The following SLC25A48 variants were observed in gnomAD, a reference collection of about 807,000 sequenced individuals.
SLC25A48 encodes solute carrier family 25 member 48, also known as CTC-321K16.1.
In SLC25A48, 29 loss-of-function variants were observed where a neutral mutation model predicts 32.2. The observed-to-expected ratio is 0.90, with a 90% CI of 0.67 to 1.23. The LOEUF is 1.23. Ranked by LOEUF, SLC25A48 falls within the 50% of genes most tolerant of loss-of-function variation. The probability of loss-of-function intolerance (pLI) is 0.00; values close to 1 mark genes in which losing one functional copy is unlikely to be tolerated. For synonymous variants in SLC25A48, 164 were observed against 172.3 expected (o/e 0.95, Z 0.38); for missense variants, 399 against 422.7 (o/e 0.94, Z 0.49).
At chr5:135,854,660 A>G (rs1249640941) in intron 4 of SLC25A48, among the ~76,000 whole-genome samples, 1 of 152,216 alleles carries the variant, frequency 6.6e-6, no homozygotes, top group Non-Finnish European at 1.5e-5. Context: ...TTGATGTTCT[A>G]TCCAGACTAC....
At chr5:135,581,343 G>A (rs1054382372) in intron 1 of SLC25A48, among the ~76,000 whole-genome samples, 12 of 152,178 alleles carry the variant, frequency 7.9e-5, no homozygotes, top group African/African-American at 2.9e-4. Flanking sequence ...CCATTTTGGG[G>A]TAGGTTTTAA....
intron 1 of SLC25A48, among the ~76,000 whole-genome samples, chr5:135,619,793 G>T (rs1471969875): frequency 1.3e-5 from 2 of 152,148 alleles, no homozygotes; most frequent in Non-Finnish European, 2.9e-5. Flanking sequence ...TTTCTTGGTG[G>T]CTTGGGGTAT....
At chr5:135,651,491 G>GT (rs1366666011) in intron 3 of SLC25A48, among the ~76,000 whole-genome samples, 2 of 152,132 alleles carry the variant, frequency 1.3e-5, no homozygotes, top group Non-Finnish European at 1.5e-5. Flanking sequence ...GCCTTCATTA[G>GT]TTTTTTCTCA....
chr5:135,704,753 C>T (rs1038460795), intron 3 of SLC25A48, among the ~76,000 whole-genome samples: 3 of 152,162 alleles, frequency 2.0e-5, no homozygotes, highest in Non-Finnish European at 2.9e-5. Flanking sequence ...CAGCATAACA[C>T]GTTAATAAGT....
intron 3 of SLC25A48, among the ~76,000 whole-genome samples, chr5:135,792,144 A>G (rs1757047050): frequency 6.6e-6 from 1 of 151,722 alleles, no homozygotes; most frequent in Non-Finnish European, 1.5e-5. Flanking sequence ...ACATCCAAGG[A>G]GCATGTTACT....
At chr5:135,721,663 A>AAAGC (rs1754959055) in intron 3 of SLC25A48, among the ~76,000 whole-genome samples, 1 of 151,820 alleles carries the variant, frequency 6.6e-6, no homozygotes, top group South Asian at 2.1e-4. Context: ...CTGCTCTCCA[A>AAAGC]AAGCAAGCGT....
Position 135,766,883 on chromosome 5 carries a change from A to G in SLC25A48, c.-520-45640A>G, listed in dbSNP as rs76880631. On this transcript the variant is annotated intron_variant, in intron 3 of 10. Transcript: ENST00000646290. ...GAAGGAGAGGGTAATATTGTTCCCA[A>G]TATCAGGGGGTGTGTACACTCTCCT... Among the ~76,000 whole-genome samples, 33 of 151,920 alleles carry G rather than the reference A, an allele frequency of 2.2e-4. 2 individuals are homozygous for G. The East Asian group carries it at 6.2e-3, about 29-fold the overall frequency.
chr5:135,869,828 A>G (rs1325519820), intron 4 of SLC25A48, among the ~76,000 whole-genome samples: 1 of 152,020 alleles, frequency 6.6e-6, no homozygotes. Context: ...CTCACCTCCT[A>G]TGGGATCCAC....
intron 3 of SLC25A48, among the ~76,000 whole-genome samples, chr5:135,776,512 A>G (rs542795115): frequency 6.6e-6 from 1 of 152,076 alleles, no homozygotes; most frequent in South Asian, 2.1e-4. Context: ...AGGGGGGAAG[A>G]AGATAACATT....
chr5:135,720,347 G>C (rs1232926042), intron 3 of SLC25A48, among the ~76,000 whole-genome samples: 1 of 152,224 alleles, frequency 6.6e-6, no homozygotes, highest in Non-Finnish European at 1.5e-5. Flanking sequence ...AGCACTGGCT[G>C]GGCCCAGGCC....
At chr5:135,725,722 A>T (rs1048536617) in intron 3 of SLC25A48, among the ~76,000 whole-genome samples, 1 of 152,050 alleles carries the variant, frequency 6.6e-6, no homozygotes. Flanking sequence ...TCTAAATGTC[A>T]TGCTCCCTCC....
At chr5:135,714,157 G>A (rs1230896280) in intron 3 of SLC25A48, among the ~76,000 whole-genome samples, 1 of 152,222 alleles carries the variant, frequency 6.6e-6, no homozygotes, top group African/African-American at 2.4e-5. Context: ...TGTGGCCAGA[G>A]TGCAGAGAGG....
At chr5:135,861,715 G>A (rs989351697) in intron 4 of SLC25A48, among the ~76,000 whole-genome samples, 17 of 152,254 alleles carry the variant, frequency 1.1e-4, no homozygotes, top group African/African-American at 3.6e-4. Flanking sequence ...CTTTATTTAG[G>A]GTTATTTCCC....
chr5:135,672,726 T>C (rs1753684697), intron 3 of SLC25A48, among the ~76,000 whole-genome samples: 1 of 152,212 alleles, frequency 6.6e-6, no homozygotes, highest in East Asian at 1.9e-4. Context: ...GGGGTGGAAT[T>C]GATATACAAG....
intron 3 of SLC25A48, among the ~76,000 whole-genome samples, chr5:135,723,410 A>ACACACACACACACACACACACACT (rs1755017337): frequency 7.1e-6 from 1 of 140,654 alleles, no homozygotes; most frequent in African/African-American, 2.6e-5. Context: ...ACACACACAC[A>ACACACACACACACACACACACACT]CACAATGGGG....
Position 135,707,168 on chromosome 5 carries a change from T to G in SLC25A48, c.-521+72212T>G, listed in dbSNP as rs374030194. On this transcript the variant is annotated intron_variant, in intron 3 of 10. Transcript: ENST00000646290. ...CAGGGAAGCTCCCAGGGTCCTTTATTCACTTCTGTTGGGCATGGCCCTGTG... is the reference window on the plus strand; with the variant it reads ...CAGGGAAGCTCCCAGGGTCCTTTATGCACTTCTGTTGGGCATGGCCCTGTG... Among the ~76,000 whole-genome samples the G allele has an allele frequency of 1.8e-4, 27 of 152,222 alleles. No homozygotes were observed. The East Asian group carries it at 4.5e-3, about 25-fold the overall frequency.
At chr5:135,838,703 GC>G (rs1198243780) in intron 1 of SLC25A48, among the ~76,000 whole-genome samples, 4 of 152,258 alleles carry the variant, frequency 2.6e-5, no homozygotes, top group African/African-American at 7.2e-5. Context: ...GAGGGTGCAA[GC>G]CCCAAGCCTT....
intron 3 of SLC25A48, among the ~76,000 whole-genome samples, chr5:135,716,948 C>A (rs1172575462): frequency 6.6e-6 from 1 of 152,212 alleles, no homozygotes; most frequent in Non-Finnish European, 1.5e-5. Context: ...AATACAACAA[C>A]AACATTGTAT....
chr5:135,871,372 T>C, intron 4 of SLC25A48, 89 bp from the exon 5 acceptor site: 1 of 1,463,420 alleles, frequency 6.8e-7, no homozygotes, highest in Non-Finnish European at 9.2e-7. Flanking sequence ...GAGGGAACTG[T>C]CAAAGGGCTG....
Sources: allele counts gnomAD v4.1 joint callset (sites outside exome capture counted in the v4.1 genomes callset), GRCh38; gene constraint gnomAD v4.1.1; transcripts MANE v1.5; gene names NCBI Gene and HGNC (gene_info 2026-07-23, HGNC 2026-07-21).